LUC7L2: variants seen among roughly 807,000 people sequenced by gnomAD.
The protein encoded by LUC7L2 is LUC7 like 2, pre-mRNA splicing factor, also known as putative RNA-binding protein Luc7-like 2.
LUC7L2 carries 25 observed loss-of-function variants against 52.8 expected under a neutral mutation model. That is an observed-to-expected ratio of 0.47 (90% CI 0.34 to 0.66). LUC7L2 has a LOEUF of 0.66. Among genes scored for constraint, LUC7L2 ranks in the 30% least tolerant of loss-of-function variants. The probability of loss-of-function intolerance (pLI) is 0.01; values close to 1 mark genes in which losing one functional copy is unlikely to be tolerated. For synonymous variants in LUC7L2, 144 were observed against 160.9 expected, an observed-to-expected ratio of 0.89 and a Z score of 0.80; for missense variants, 328 against 497.8, an observed-to-expected ratio of 0.66 and a Z score of 3.25.
chr7:139,351,084 C>T (rs6947309), intron 1 of LUC7L2, among the ~76,000 whole-genome samples: 57,776 of 151,966 alleles, frequency 0.38, 14,973 homozygotes, highest in African/African-American at 0.74. Context: ...TATGTCACAC[C>T]CTACATGGTT....
At chr7:139,363,522 CTA>C (rs1799984426) in intron 1 of LUC7L2, among the ~76,000 whole-genome samples, 1 of 152,074 alleles carries the variant, frequency 6.6e-6, no homozygotes, top group Admixed American at 6.6e-5. Context: ...AAATAATTTC[CTA>C]TGTTATACTC....
At chr7:139,349,644 T>TA (rs1799388232) in intron 1 of LUC7L2, among the ~76,000 whole-genome samples, 1 of 145,672 alleles carries the variant, frequency 6.9e-6, no homozygotes, top group South Asian at 2.4e-4. Context: ...TTTCCTTTAA[T>TA]AGTACTTAAA....
intron 1 of LUC7L2, chr7:139,345,749 T>G: frequency 6.4e-7 from 1 of 1,561,070 alleles, no homozygotes; most frequent in South Asian, 1.2e-5. Context: ...GAGAATTGAA[T>G]AATTTCTATC....
intron 2 of LUC7L2, among the ~76,000 whole-genome samples, chr7:139,387,531 G>C (rs1322206537): frequency 1.3e-5 from 2 of 152,084 alleles, no homozygotes; most frequent in African/African-American, 4.8e-5. Context: ...CTTGTTTCCT[G>C]ATGGAAACAA....
intron 2 of LUC7L2, among the ~76,000 whole-genome samples, chr7:139,384,030 G>C (rs901219666): frequency 3.3e-5 from 5 of 152,062 alleles, no homozygotes; most frequent in African/African-American, 1.2e-4. Flanking sequence ...GGGATTACAG[G>C]TGTGAGCCAC....
intron 1 of LUC7L2, among the ~76,000 whole-genome samples, chr7:139,360,703 C>T (rs891555611): frequency 6.6e-6 from 1 of 152,152 alleles, no homozygotes; most frequent in African/African-American, 2.4e-5. Flanking sequence ...ATTCCTTAAC[C>T]CAGAGCTTTG....
intron 1 of LUC7L2, among the ~76,000 whole-genome samples, chr7:139,352,357 T>C (rs774435584): frequency 2.6e-5 from 4 of 152,276 alleles, no homozygotes; most frequent in Non-Finnish European, 5.9e-5. Flanking sequence ...TAGCTGGGCA[T>C]GGTGGCACCT....
chr7:139,371,528 G>C, intron 1 of LUC7L2: 1 of 750,314 alleles, frequency 1.3e-6, no homozygotes, highest in South Asian at 1.5e-5. Context: ...TTGGTTTCTT[G>C]TTTGTATGGG....
chr7:139,385,112 A>G (rs761308899), intron 2 of LUC7L2, among the ~76,000 whole-genome samples: 5 of 152,148 alleles, frequency 3.3e-5, no homozygotes, highest in Non-Finnish European at 7.3e-5. Context: ...TGTATTAATA[A>G]GTACAGATAT....
intron 7 of LUC7L2, among the ~76,000 whole-genome samples, chr7:139,411,141 GACT>G (rs1254701556): frequency 5.3e-5 from 8 of 152,094 alleles, no homozygotes; most frequent in Non-Finnish European, 8.8e-5. Context: ...TTCTTTGCAG[GACT>G]ACATTTTCAC....
intron 4 of LUC7L2, among the ~76,000 whole-genome samples, chr7:139,405,187 T>C (rs1361743104): frequency 6.6e-6 from 1 of 152,204 alleles, no homozygotes; most frequent in African/African-American, 2.4e-5. Flanking sequence ...AGTTGTATCT[T>C]GTTGGAACGA....
chr7:139,411,898 A>G (rs781121398), intron 7 of LUC7L2, among the ~76,000 whole-genome samples: 2 of 152,138 alleles, frequency 1.3e-5, no homozygotes, highest in Non-Finnish European at 2.9e-5. Context: ...ATTTTTTCCA[A>G]GCTGGTAAGT....
At position 139,417,736 on chromosome 7, in the gene LUC7L2, A is replaced by G; in HGVS notation, c.1001+7A>G. Reference sequence around the variant, plus strand: ...GAGAACGATCCAAGAGGAGGTATTGATGTGTCAATCAGAGGATATGGAGCT... The same window carrying G: ...GAGAACGATCCAAGAGGAGGTATTGGTGTGTCAATCAGAGGATATGGAGCT... On this transcript the variant is annotated splice_region_variant and intron_variant, in intron 9 of 9. Transcript: ENST00000354926. 2 of 1,612,300 alleles carry G rather than the reference A, an allele frequency of 1.2e-6. No homozygotes were observed. The highest frequency in any genetic ancestry group is 8.5e-7 in the Non-Finnish European group (1 of 1,178,488).
intron 6 of LUC7L2, among the ~76,000 whole-genome samples, chr7:139,409,016 G>A (rs1284456450): frequency 6.6e-6 from 1 of 151,782 alleles, no homozygotes. Flanking sequence ...TTAGCTGGGT[G>A]TGGTGATGCA....
intron 5 of LUC7L2, 114 bp from the exon 6 acceptor site, chr7:139,407,060 C>A: frequency 8.9e-7 from 1 of 1,127,168 alleles, no homozygotes; most frequent in Non-Finnish European, 1.1e-6. Flanking sequence ...CCGTGCCCAG[C>A]CACTTTTGTG....
intron 1 of LUC7L2, among the ~76,000 whole-genome samples, chr7:139,370,045 C>G (rs945934349): frequency 1.3e-5 from 2 of 152,178 alleles, no homozygotes; most frequent in African/African-American, 4.8e-5. Context: ...TCTTCCCTTT[C>G]CTTATGTAAT....
intron 2 of LUC7L2, among the ~76,000 whole-genome samples, chr7:139,390,557 G>GTTT (rs528049490): frequency 1.4e-4 from 18 of 125,188 alleles, no homozygotes; most frequent in African/African-American, 2.6e-4. Flanking sequence ...AGACAATGTA[G>GTTT]TTTTTTTTTT....
At chr7:139,350,436 T>G (rs1799418093) in intron 1 of LUC7L2, among the ~76,000 whole-genome samples, 1 of 151,862 alleles carries the variant, frequency 6.6e-6, no homozygotes. Context: ...ATCTTGTTAG[T>G]AATCCATGTT....
intron 1 of LUC7L2, among the ~76,000 whole-genome samples, chr7:139,347,992 G>A (rs901417491): frequency 6.6e-6 from 1 of 152,112 alleles, no homozygotes; most frequent in Admixed American, 6.5e-5. Context: ...GAGCCACCAT[G>A]CCCAGCTGAC....
Sources: allele counts gnomAD v4.1 joint callset (sites outside exome capture counted in the v4.1 genomes callset), GRCh38; gene constraint gnomAD v4.1.1; transcripts MANE v1.5; gene names NCBI Gene and HGNC (gene_info 2026-07-23, HGNC 2026-07-21).